The following STOX1 variants were observed in gnomAD, a reference collection of about 807,000 sequenced individuals.
STOX1 encodes storkhead-box protein 1.
A neutral mutation model predicts 74.8 loss-of-function variants in STOX1; 57 were observed. The observed-to-expected ratio is 0.76, with a 90% CI of 0.62 to 0.95. The LOEUF (loss-of-function observed/expected upper bound fraction) is 0.95, where lower values mean the gene tolerates loss of function less well. Among genes scored for constraint, STOX1 ranks in the 40% least tolerant of loss-of-function variants. The pLI is 0.00. For synonymous variants in STOX1, 375 were observed against 401.3 expected (o/e 0.93, Z 0.78); for missense variants, 1,010 against 1,117.0 (o/e 0.90, Z 1.37).
chr10:68,870,397 C>A (rs1023335673), intron 1 of STOX1, among the ~76,000 whole-genome samples: 2 of 152,202 alleles, frequency 1.3e-5, no homozygotes, highest in Non-Finnish European at 2.9e-5. Flanking sequence ...CAGCAGTTTA[C>A]AACCTGTGCC....
At chr10:68,864,702 TA>T (rs1840360001) in intron 1 of STOX1, among the ~76,000 whole-genome samples, 1 of 152,218 alleles carries the variant, frequency 6.6e-6, no homozygotes, top group African/African-American at 2.4e-5. Context: ...TTAGCAAATC[TA>T]GAGTCTTCTC....
chr10:68,888,627 A>AC (rs1298541689), intron 3 of STOX1, among the ~76,000 whole-genome samples: 1 of 107,832 alleles, frequency 9.3e-6, no homozygotes, highest in Non-Finnish European at 1.9e-5. Flanking sequence ...CTTTGCCAGT[A>AC]TTTTTTTTTT....
intron 1 of STOX1, among the ~76,000 whole-genome samples, chr10:68,859,346 GA>G (rs1840205397): frequency 6.6e-6 from 1 of 152,032 alleles, no homozygotes; most frequent in African/African-American, 2.4e-5. Context: ...ATGCTGTAAG[GA>G]AATACTTCCT....
At chr10:68,846,128 ATTATT>A (rs1839846143) in intron 1 of STOX1, among the ~76,000 whole-genome samples, 2 of 74,118 alleles carry the variant, frequency 2.7e-5, no homozygotes, top group South Asian at 1.4e-3. Context: ...TTTTATTATT[ATTATT>A]ATTATTATTA....
At chr10:68,860,106 A>G (rs759331172) in intron 1 of STOX1, among the ~76,000 whole-genome samples, 6 of 151,946 alleles carry the variant, frequency 3.9e-5, no homozygotes, top group Non-Finnish European at 8.8e-5. Flanking sequence ...CCTGGCCAAC[A>G]TGGTGAAACC....
intron 1 of STOX1, among the ~76,000 whole-genome samples, chr10:68,830,919 A>G (rs973242677): frequency 2.0e-5 from 3 of 152,150 alleles, no homozygotes; most frequent in Non-Finnish European, 2.9e-5. Context: ...GGTTCATATC[A>G]AAAGAGAAGA....
At chr10:68,875,472 G>A (rs1252817224) in intron 1 of STOX1, among the ~76,000 whole-genome samples, 1 of 151,874 alleles carries the variant, frequency 6.6e-6, no homozygotes, top group Admixed American at 6.6e-5. Context: ...ATTTGTCATG[G>A]GTGCACCTCT....
chr10:68,864,157 C>T (rs1343392138), intron 1 of STOX1, among the ~76,000 whole-genome samples: 1 of 152,044 alleles, frequency 6.6e-6, no homozygotes, highest in Non-Finnish European at 1.5e-5. Flanking sequence ...ATCTCCTGAC[C>T]TCGTGATCCG....
chr10:68,871,533 G>C (rs898607155), intron 1 of STOX1, among the ~76,000 whole-genome samples: 2 of 152,212 alleles, frequency 1.3e-5, no homozygotes, highest in African/African-American at 4.8e-5. Context: ...TCCCAGAAGG[G>C]AGCCATTTGT....
At chr10:68,884,124 A>G (rs939684070) in intron 2 of STOX1, 136 bp from the exon 3 acceptor site, 2 of 813,186 alleles carry the variant, frequency 2.5e-6, no homozygotes, top group African/African-American at 1.7e-5. Flanking sequence ...CATCCCTGGC[A>G]TTTTAATCAC....
chr10:68,883,704 A>C (rs1840865934), intron 2 of STOX1, among the ~76,000 whole-genome samples: 2 of 147,570 alleles, frequency 1.4e-5, no homozygotes, highest in South Asian at 4.3e-4. Flanking sequence ...GTGAGCCACC[A>C]TGCCTGGCCT....
At chr10:68,882,244 C>T in intron 2 of STOX1, 134 bp downstream of exon 2, 2 of 823,410 alleles carry the variant, frequency 2.4e-6, no homozygotes, top group South Asian at 3.2e-5. Context: ...CAGAACCCTG[C>T]CAGAAGAAGT....
At chr10:68,884,103 G>A (rs186408907) in intron 2 of STOX1, among the ~76,000 whole-genome samples, 157 bp from the exon 3 acceptor site, 52 of 152,326 alleles carry the variant, frequency 3.4e-4, no homozygotes, top group African/African-American at 1.3e-3. Context: ...ATAGGCATGA[G>A]CCATCACACC....
At chr10:68,841,334 A>G (rs1839688868) in intron 1 of STOX1, among the ~76,000 whole-genome samples, 1 of 152,142 alleles carries the variant, frequency 6.6e-6, no homozygotes, top group Non-Finnish European at 1.5e-5. Context: ...ACACATTCAC[A>G]TAGTATGAAA....
rs541227713 is a variant in STOX1, at chr10:68,849,509, T to C, written c.310+21576T>C. Reference sequence around the variant, plus strand: ...TTGAAAAATGGACAGTTGTGATTTCTGCCCATCTGAGAGAGGGAGTTTCAG... The same window carrying C: ...TTGAAAAATGGACAGTTGTGATTTCCGCCCATCTGAGAGAGGGAGTTTCAG... On this transcript the variant is annotated intron_variant, in intron 1 of 3. Coordinates refer to ENST00000298596, the MANE Select transcript of STOX1 (RefSeq NM_152709.5). Among the ~76,000 whole-genome samples the C allele has an allele frequency of 2.0e-5, 3 of 152,326 alleles. No individual in the cohort carries two copies. The East Asian group carries it at 5.8e-4, about 29-fold the overall frequency.
chr10:68,860,746 G>A (rs1339523655), intron 1 of STOX1, among the ~76,000 whole-genome samples: 2 of 151,980 alleles, frequency 1.3e-5, no homozygotes, highest in Non-Finnish European at 2.9e-5. Context: ...TCTGCCACAA[G>A]GGATCACAAT....
At chr10:68,880,562 G>A (rs1840792069) in intron 1 of STOX1, among the ~76,000 whole-genome samples, 1 of 151,630 alleles carries the variant, frequency 6.6e-6, no homozygotes, top group Non-Finnish European at 1.5e-5. Context: ...TTCCTTCTAA[G>A]CATTTGATAC....
In STOX1 at chr10:68,827,593, G is replaced by C; in HGVS notation, c.-31G>C. 1 of 1,131,010 alleles carries C rather than the reference G, an allele frequency of 8.8e-7. No homozygotes were observed. The highest frequency in any genetic ancestry group is 1.1e-6 in the Non-Finnish European group (1 of 923,488). 70.1% of individuals were successfully genotyped at this position (1,131,010 alleles called of 1,614,324 possible). On this transcript the variant is annotated 5_prime_UTR_variant, in exon 1 of 4. Transcript: ENST00000298596. ...TAGCCGCCGCGCTCGCCGAGGCCCT[G>C]CGTTGCGGGCTCCCGGCCGCCGGCG... is the stretch of plus-strand genomic sequence containing the variant.
At chr10:68,868,335 C>T (rs1419294063) in intron 1 of STOX1, among the ~76,000 whole-genome samples, 1 of 152,210 alleles carries the variant, frequency 6.6e-6, no homozygotes, top group Non-Finnish European at 1.5e-5. Flanking sequence ...AACTATTCTT[C>T]ACAAGAACAA....
Sources: gnomAD v4.1 joint callset for allele counts (sites outside exome capture counted in the v4.1 genomes callset) on GRCh38, gnomAD v4.1.1 for gene constraint, MANE v1.5 for transcripts, NCBI Gene and HGNC (gene_info 2026-07-23, HGNC 2026-07-21) for gene names.